Variants in PPFIBP2 observed in about 807,000 individuals in gnomAD.
PPFIBP2 encodes PPFIB scaffold protein 2.
PPFIBP2 carries 118 observed loss-of-function variants against 118.3 expected under a neutral mutation model. The observed-to-expected ratio is 1.00, with a 90% CI of 0.86 to 1.16. The LOEUF is 1.16. PPFIBP2 is among the 50% of genes most tolerant of loss of function. The pLI is 0.00. For synonymous variants in PPFIBP2, 414 were observed against 397.4 expected (o/e 1.04, Z -0.50); for missense variants, 1,195 against 1,073.1 (o/e 1.11, Z -1.59).
At chr11:7,609,883 G>C (rs1248303249) in intron 5 of PPFIBP2, among the ~76,000 whole-genome samples, 2 of 152,288 alleles carry the variant, frequency 1.3e-5, no homozygotes, top group Middle Eastern at 3.4e-3. Flanking sequence ...GTTGAGCCCA[G>C]AAAGTGATCT....
Position 7,642,390 on chromosome 11 carries a change from G to C in PPFIBP2, c.1610G>C (p.Arg537Thr). Residue 537 changes from arginine to threonine, a missense_variant, in exon 17 of 24, where the codon AGA becomes ACA. By Grantham distance (71) the Arg-to-Thr change is moderately conservative. Transcript: ENST00000299492. ...GGGCTCCGGGCAACCGCAGGGCCAAGACTCTCTAGGACCAGGGACTCCAAG... is the reference window on the plus strand; with the variant it reads ...GGGCTCCGGGCAACCGCAGGGCCAACACTCTCTAGGACCAGGGACTCCAAG... The part of the protein sequence containing the change: ...RGGLRATAGP[R>T]LSRTRDSKGQ... 6.2e-7 allele frequency: 1 copy of C among 1,614,084 alleles called. No homozygotes were observed. Among genetic ancestry groups the C allele is most frequent in the Non-Finnish European group, 8.5e-7 (1 of 1,179,966 alleles).
intron 1 of PPFIBP2, among the ~76,000 whole-genome samples, chr11:7,517,044 G>T (rs929595091): frequency 6.6e-6 from 1 of 152,162 alleles, no homozygotes; most frequent in African/African-American, 2.4e-5. Flanking sequence ...GAGATGTGTT[G>T]GTATCCATCG....
intron 3 of PPFIBP2, chr11:7,576,926 C>A (rs1856422446): frequency 6.6e-6 from 1 of 152,344 alleles, no homozygotes. Context: ...TGGGCGTGGG[C>A]TTCAGGGCGG....
At chr11:7,576,795 AGCAAACG>A (rs1024037550) in intron 3 of PPFIBP2, 3 of 152,356 alleles carry the variant, frequency 2.0e-5, no homozygotes, top group African/African-American at 7.2e-5. Context: ...TGCCAAGGAC[AGCAAACG>A]CTCTGTGCTG....
chr11:7,624,212 C>T (rs528836568), intron 7 of PPFIBP2, among the ~76,000 whole-genome samples: 97 of 152,250 alleles, frequency 6.4e-4, no homozygotes, highest in Non-Finnish European at 1.1e-3. Context: ...GTGGGTGGAG[C>T]CCTGACATTG....
intron 1 of PPFIBP2, among the ~76,000 whole-genome samples, chr11:7,530,502 T>A (rs1291386806): frequency 6.6e-6 from 1 of 152,156 alleles, no homozygotes; most frequent in African/African-American, 2.4e-5. Context: ...GGTTCCTTTA[T>A]AAAGAGGCCC....
chr11:7,606,777 G>A (rs1319545292), intron 5 of PPFIBP2, among the ~76,000 whole-genome samples: 1 of 150,676 alleles, frequency 6.6e-6, no homozygotes, highest in Non-Finnish European at 1.5e-5. Context: ...TTTTGGCAAT[G>A]ATGGAAGCAG....
intron 6 of PPFIBP2, among the ~76,000 whole-genome samples, chr11:7,613,911 A>G (rs1848348309): frequency 6.6e-6 from 1 of 152,234 alleles, no homozygotes; most frequent in Non-Finnish European, 1.5e-5. Context: ...AGAAGAGAAC[A>G]GGGAAGAATC....
At chr11:7,533,344 C>T (rs1235599938) in intron 1 of PPFIBP2, among the ~76,000 whole-genome samples, 1 of 152,128 alleles carries the variant, frequency 6.6e-6, no homozygotes, top group Non-Finnish European at 1.5e-5. Flanking sequence ...AGGTTACATG[C>T]CCAGCCTCCC....
intron 6 of PPFIBP2, among the ~76,000 whole-genome samples, chr11:7,614,278 G>A (rs1018324810): frequency 3.3e-5 from 5 of 152,210 alleles, no homozygotes; most frequent in Admixed American, 2.0e-4. Flanking sequence ...AGTGCCATCA[G>A]TTTGTATCCG....
intron 14 of PPFIBP2, among the ~76,000 whole-genome samples, chr11:7,637,622 C>CT (rs558325624): frequency 2.1e-3 from 313 of 152,352 alleles, no homozygotes; most frequent in African/African-American, 7.0e-3. Flanking sequence ...GCTGGGGCTT[C>CT]TGTTCCCCTA....
At chr11:7,656,782 C>A, downstream of PPFIBP2, 1 of 1,289,880 alleles carries the variant, frequency 7.8e-7, no homozygotes, top group Non-Finnish European at 1.0e-6. Flanking sequence ...GCCCCCAACT[C>A]TGATGACTGG....
At chr11:7,611,085 GTTC>G (rs762797069) in intron 6 of PPFIBP2, among the ~76,000 whole-genome samples, 1 of 152,150 alleles carries the variant, frequency 6.6e-6, no homozygotes, top group African/African-American at 2.4e-5. Context: ...CTACCTTTAA[GTTC>G]TTCTTATATT....
At chr11:7,665,517 C>T in the PPFIBP2 span, 23 of 1,611,996 alleles carry the variant, frequency 1.4e-5, no homozygotes, top group Admixed American at 3.3e-4. Flanking sequence ...ATCATGTCGG[C>T]AGTAACGAAG....
intron 14 of PPFIBP2, among the ~76,000 whole-genome samples, chr11:7,636,995 T>G (rs1851538342): frequency 6.6e-6 from 1 of 152,130 alleles, no homozygotes; most frequent in Non-Finnish European, 1.5e-5. Flanking sequence ...AAGACATCCT[T>G]TGTATTCTTT....
intron 1 of PPFIBP2, among the ~76,000 whole-genome samples, chr11:7,538,576 G>T (rs1007262522): frequency 1.3e-5 from 2 of 152,224 alleles, no homozygotes; most frequent in African/African-American, 4.8e-5. Context: ...TGGTGGTGGA[G>T]CAGGGACATG....
At chr11:7,592,607 C>A (rs78945370) in intron 3 of PPFIBP2, among the ~76,000 whole-genome samples, 3,098 of 152,282 alleles carry the variant, frequency 0.02, 110 homozygotes, top group African/African-American at 0.07. Context: ...AGTTGACATC[C>A]TCCATCCTTC....
intron 3 of PPFIBP2, among the ~76,000 whole-genome samples, chr11:7,578,030 T>G (rs992907730): frequency 6.6e-6 from 1 of 152,240 alleles, no homozygotes; most frequent in Non-Finnish European, 1.5e-5. Flanking sequence ...GGAAGTTGTT[T>G]AACTCGTTCT....
intron 23 of PPFIBP2, 123 bp from the exon 24 acceptor site, chr11:7,652,901 C>A: frequency 8.7e-7 from 1 of 1,152,598 alleles, no homozygotes; most frequent in Non-Finnish European, 1.2e-6. Flanking sequence ...CAGAGTCTTT[C>A]TAGGAGCAGT....
Sources: gnomAD v4.1 joint callset for allele counts (sites outside exome capture counted in the v4.1 genomes callset) on GRCh38, gnomAD v4.1.1 for gene constraint, MANE v1.5 for transcripts, NCBI Gene and HGNC (gene_info 2026-07-23, HGNC 2026-07-21) for gene names.